The following CLDN16 variants were observed in gnomAD, a reference collection of about 807,000 sequenced individuals.
The protein encoded by CLDN16 is claudin-16.
Under a neutral mutation model 24.6 loss-of-function variants are expected in CLDN16, and 13 were observed. The ratio of observed to expected loss-of-function variants is 0.53; its 90% CI spans 0.34 to 0.84. The LOEUF is 0.84. Ranked by LOEUF, CLDN16 falls within the 40% of genes least tolerant of loss-of-function variation. CLDN16 has a pLI of 0.01. For missense variants in CLDN16, 298 were observed against 292.7 expected, an observed-to-expected ratio of 1.02 and a Z score of -0.13; for synonymous variants, 116 against 106.7, an observed-to-expected ratio of 1.09 and a Z score of -0.54.
upstream of CLDN16, among the ~76,000 whole-genome samples, chr3:190,321,303 C>T (rs1716915384): frequency 6.6e-6 from 1 of 152,170 alleles, no homozygotes; most frequent in African/African-American, 2.4e-5. Context: ...CAAGATAGCA[C>T]TACACCGTCA....
upstream of CLDN16, chr3:190,387,865 G>A (rs146457220): frequency 5.7e-5 from 31 of 542,122 alleles, no homozygotes; most frequent in Middle Eastern, 1.0e-3. Flanking sequence ...TCAGTCAACC[G>A]TGTAGCCTTC....
At chr3:190,322,759 C>T (rs1716967464) in intron 1 of CLDN16, 2 of 158,386 alleles carry the variant, frequency 1.3e-5, no homozygotes, top group Non-Finnish European at 2.8e-5. Flanking sequence ...AAAAATGATC[C>T]TTCAAGAGCT....
chr3:190,347,906 G>A (rs984071286), intron 1 of CLDN16, among the ~76,000 whole-genome samples: 1 of 151,948 alleles, frequency 6.6e-6, no homozygotes, highest in African/African-American at 2.4e-5. Context: ...TGTGGCTGGA[G>A]CATAGGGAAC....
intron 1 of CLDN16, among the ~76,000 whole-genome samples, chr3:190,346,425 A>G (rs3909582): frequency 0.13 from 19,673 of 152,188 alleles, 1,563 homozygotes; most frequent in African/African-American, 0.22. Context: ...ACCCAGTCAT[A>G]TTTGCGTTTT....
the CLDN16 span, among the ~76,000 whole-genome samples, chr3:190,297,528 ATT>A: frequency 2.1e-5 from 3 of 142,686 alleles, no homozygotes; most frequent in South Asian, 2.1e-4. Context: ...GTATATATAT[ATT>A]ATAGATATAT....
chr3:190,368,004 T>C (rs1264412571), intron 1 of CLDN16, among the ~76,000 whole-genome samples: 1 of 151,888 alleles, frequency 6.6e-6, no homozygotes, highest in Non-Finnish European at 1.5e-5. Flanking sequence ...TCCTGATGTG[T>C]TGGGGAAGCT....
chr3:190,290,893 T>C, the CLDN16 span, among the ~76,000 whole-genome samples: 1 of 152,064 alleles, frequency 6.6e-6, no homozygotes, highest in African/African-American at 2.4e-5. Context: ...ATTCTACATA[T>C]CTGTGGGAAT....
intron 4 of CLDN16, among the ~76,000 whole-genome samples, chr3:190,408,732 A>G (rs1035374198): frequency 1.3e-5 from 2 of 150,760 alleles, no homozygotes; most frequent in African/African-American, 4.9e-5. Context: ...AGCATGTCCA[A>G]TATTCAAATG....
chr3:190,308,432 A>T, the CLDN16 span: 1 of 1,613,610 alleles, frequency 6.2e-7, no homozygotes. Flanking sequence ...GCCTGACCAA[A>T]TTCGTACCTA....
At chr3:190,351,255 C>T (rs1193927137) in intron 1 of CLDN16, among the ~76,000 whole-genome samples, 1 of 151,866 alleles carries the variant, frequency 6.6e-6, no homozygotes, top group Non-Finnish European at 1.5e-5. Flanking sequence ...AACCATGAGC[C>T]AAAAAACCTC....
intron 1 of CLDN16, among the ~76,000 whole-genome samples, chr3:190,349,419 G>A (rs1717625116): frequency 6.6e-6 from 1 of 152,194 alleles, no homozygotes; most frequent in Admixed American, 6.5e-5. Flanking sequence ...TGTGCAGCCT[G>A]AGGAACTGTC....
chr3:190,376,248 G>A (rs148513981), intron 3 of CLDN16, among the ~76,000 whole-genome samples: 29 of 151,888 alleles, frequency 1.9e-4, no homozygotes, highest in African/African-American at 6.7e-4. Context: ...TTTCTGAGGA[G>A]TATTAAATGG....
chr3:190,312,759 G>T, the CLDN16 span: 1 of 1,174,350 alleles, frequency 8.5e-7, no homozygotes, highest in Non-Finnish European at 1.3e-6. Context: ...TCAGGTCTAT[G>T]TTTGCAGTTT....
In CLDN16 at chr3:190,394,608, T is replaced by C. The variant is rs538896376; in HGVS notation, c.114+6165T>C. 2.6e-5 allele frequency among the ~76,000 whole-genome samples: 4 copies of C among 152,316 alleles called. No individual in the cohort carries two copies. In the East Asian group the frequency reaches 7.7e-4, roughly 29 times the overall value. ...TACAAATGTTCTCTTATTTATCTCATGATTTCCTAAGTACCTAGCACTGAT... is the reference window on the plus strand; with the variant it reads ...TACAAATGTTCTCTTATTTATCTCACGATTTCCTAAGTACCTAGCACTGAT... On this transcript the variant is annotated intron_variant, in intron 1 of 4. Transcript: ENST00000264734.
At chr3:190,353,173 T>C (rs917844162) in intron 1 of CLDN16, among the ~76,000 whole-genome samples, 1 of 152,110 alleles carries the variant, frequency 6.6e-6, no homozygotes, top group Non-Finnish European at 1.5e-5. Context: ...ATCCTGTAAG[T>C]TGCTAATTAT....
In CLDN16 at chr3:190,342,521, C is replaced by T. The variant is rs76002239; in HGVS notation, n.121+19860C>T. On this transcript the variant is annotated intron_variant and non_coding_transcript_variant, in intron 1 of 4. Coordinates refer to the CLDN16 transcript ENST00000468220. ...TAAATTTAACCAAAGAGGTGAAAGACCTGTCCCCTGAAAACTATAAGACAT... is the reference window on the plus strand; with the variant it reads ...TAAATTTAACCAAAGAGGTGAAAGATCTGTCCCCTGAAAACTATAAGACAT... Among the ~76,000 whole-genome samples the T allele has an allele frequency of 3.9e-5, 6 of 152,184 alleles. No individual in the cohort carries two copies. In the East Asian group the frequency reaches 9.7e-4, roughly 25 times the overall value.
chr3:190,315,119 A>G, the CLDN16 span, among the ~76,000 whole-genome samples: 1 of 152,248 alleles, frequency 6.6e-6, no homozygotes, highest in Non-Finnish European at 1.5e-5. Context: ...GAAATAACAA[A>G]TAAAATAACT....
chr3:190,332,351 A>T (rs1245126280), intron 1 of CLDN16, among the ~76,000 whole-genome samples: 1 of 152,200 alleles, frequency 6.6e-6, no homozygotes, highest in Non-Finnish European at 1.5e-5. Flanking sequence ...AGATATTAAT[A>T]GTTTGCTTAA....
intron 1 of CLDN16, among the ~76,000 whole-genome samples, chr3:190,328,675 TA>T (rs200043866): frequency 0.034 from 4,831 of 142,734 alleles, 114 homozygotes; most frequent in East Asian, 0.086. Context: ...ACATTCTACG[TA>T]AAAAAAAAAA....
Sources: gnomAD v4.1 joint callset for allele counts (sites outside exome capture counted in the v4.1 genomes callset) on GRCh38, gnomAD v4.1.1 for gene constraint, MANE v1.5 for transcripts, NCBI Gene and HGNC (gene_info 2026-07-23, HGNC 2026-07-21) for gene names.